TUSC3: variants seen among roughly 807,000 people sequenced by gnomAD.
TUSC3 encodes the protein dolichyl-diphosphooligosaccharide--protein glycosyltransferase subunit TUSC3.
TUSC3 carries 45 observed loss-of-function variants against 44.8 expected under a neutral mutation model. That is an observed-to-expected ratio of 1.00 (90% CI 0.79 to 1.29). The LOEUF (loss-of-function observed/expected upper bound fraction) is 1.29, where lower values mean the gene tolerates loss of function less well. Ranked by LOEUF, TUSC3 falls within the 50% of genes most tolerant of loss-of-function variation. The probability of loss-of-function intolerance (pLI) is 0.00; values close to 1 mark genes in which losing one functional copy is unlikely to be tolerated. For synonymous variants in TUSC3, 212 were observed against 152.9 expected, an observed-to-expected ratio of 1.39 and a Z score of -2.85; for missense variants, 519 against 437.9, an observed-to-expected ratio of 1.19 and a Z score of -1.65.
chr8:15,670,751 G>T (rs933061055), intron 5 of TUSC3, among the ~76,000 whole-genome samples: 9 of 151,644 alleles, frequency 5.9e-5, no homozygotes, highest in Non-Finnish European at 1.0e-4. Flanking sequence ...TGAAAAGAAA[G>T]ACAAGCCTCA....
At chr8:15,650,645 G>C in intron 2 of TUSC3, 52 bp from the exon 3 acceptor site, 4 of 1,505,046 alleles carry the variant, frequency 2.7e-6, no homozygotes, top group Non-Finnish European at 3.7e-6. Context: ...TAACTGCTTT[G>C]TAGATGCTTC....
chr8:15,454,764 G>T (rs188294872), intron 1 of TUSC3, among the ~76,000 whole-genome samples: 1 of 152,144 alleles, frequency 6.6e-6, no homozygotes, highest in Admixed American at 6.5e-5. Flanking sequence ...AGTAGGTAAA[G>T]TGTGGAAGCT....
intron 1 of TUSC3, among the ~76,000 whole-genome samples, chr8:15,566,047 C>G (rs182359273): frequency 1.3e-5 from 2 of 152,220 alleles, no homozygotes; most frequent in South Asian, 2.1e-4. Flanking sequence ...CAGAGTAGTA[C>G]ATTTTCCTTG....
At chr8:15,496,747 G>T (rs1406320727) in intron 2 of TUSC3, among the ~76,000 whole-genome samples, 1 of 152,120 alleles carries the variant, frequency 6.6e-6, no homozygotes, top group African/African-American at 2.4e-5. Flanking sequence ...TTAACAGGGA[G>T]AGCTGGGTCG....
At chr8:15,628,439 T>G (rs1411211639) in intron 2 of TUSC3, among the ~76,000 whole-genome samples, 1 of 152,202 alleles carries the variant, frequency 6.6e-6, no homozygotes, top group East Asian at 1.9e-4. Flanking sequence ...TATTTGCTTT[T>G]TATTTGTTCA....
At chr8:15,465,436 A>G (rs1563258372) in intron 1 of TUSC3, among the ~76,000 whole-genome samples, 1 of 152,140 alleles carries the variant, frequency 6.6e-6, no homozygotes, top group Non-Finnish European at 1.5e-5. Flanking sequence ...CCACAATCTC[A>G]TGAAGAAATT....
At chr8:15,551,104 A>AG (rs1184847189) in intron 1 of TUSC3, among the ~76,000 whole-genome samples, 1 of 151,784 alleles carries the variant, frequency 6.6e-6, no homozygotes, top group African/African-American at 2.4e-5. Flanking sequence ...GTAAAATGAG[A>AG]GGGTTGAACA....
intron 6 of TUSC3, among the ~76,000 whole-genome samples, chr8:15,712,479 C>A (rs1043561127): frequency 6.6e-6 from 1 of 151,996 alleles, no homozygotes; most frequent in Non-Finnish European, 1.5e-5. Flanking sequence ...TTCTCTTATT[C>A]CTGCTTATTT....
the TUSC3 span, among the ~76,000 whole-genome samples, chr8:15,844,803 C>T: frequency 5.9e-5 from 9 of 152,104 alleles, no homozygotes; most frequent in South Asian, 2.1e-4. Flanking sequence ...ATACTGCCTC[C>T]GATATTTTAA....
intron 2 of TUSC3, among the ~76,000 whole-genome samples, chr8:15,498,459 TAC>T (rs1036808232): frequency 2.6e-5 from 4 of 152,160 alleles, no homozygotes; most frequent in African/African-American, 4.8e-5. Context: ...ACCGGAAAAC[TAC>T]AGTTTAAGAG....
chr8:15,429,900 G>C (rs868541540), intron 1 of TUSC3, among the ~76,000 whole-genome samples: 1 of 151,634 alleles, frequency 6.6e-6, no homozygotes, highest in Middle Eastern at 3.4e-3. Context: ...ATAAATTCCT[G>C]GACACATACA....
At chr8:15,831,493 A>G in the TUSC3 span, among the ~76,000 whole-genome samples, 1 of 152,172 alleles carries the variant, frequency 6.6e-6, no homozygotes, top group Admixed American at 6.5e-5. Flanking sequence ...TATGGATAGA[A>G]AAAAAGATCG....
the TUSC3 span, among the ~76,000 whole-genome samples, chr8:15,825,724 A>T: frequency 6.6e-6 from 1 of 152,132 alleles, no homozygotes; most frequent in African/African-American, 2.4e-5. Flanking sequence ...AAATATATGC[A>T]CATTGAGATT....
At chr8:15,782,001 G>A in the TUSC3 span, among the ~76,000 whole-genome samples, 8 of 152,178 alleles carry the variant, frequency 5.3e-5, no homozygotes, top group Non-Finnish European at 8.8e-5. Flanking sequence ...GGATGTGGTG[G>A]CAGGTGCCTA....
chr8:15,844,473 G>C, the TUSC3 span, among the ~76,000 whole-genome samples: 1 of 152,048 alleles, frequency 6.6e-6, no homozygotes. Context: ...CACAAACGGA[G>C]AACAAAAGAG....
intron 1 of TUSC3, among the ~76,000 whole-genome samples, chr8:15,554,492 T>C (rs1802168750): frequency 1.3e-5 from 2 of 151,640 alleles, no homozygotes; most frequent in Non-Finnish European, 2.9e-5. Flanking sequence ...TGAAGAAATG[T>C]ACTTTTATTT....
At chr8:15,458,886 T>C (rs1800301083) in intron 1 of TUSC3, among the ~76,000 whole-genome samples, 1 of 152,210 alleles carries the variant, frequency 6.6e-6, no homozygotes. Flanking sequence ...AGTATTAATA[T>C]GTAAGCTCCT....
chr8:15,554,600 A>ATT (rs376264004), intron 1 of TUSC3, among the ~76,000 whole-genome samples: 17,621 of 111,602 alleles, frequency 0.16, 2,328 homozygotes, highest in South Asian at 0.2. Context: ...TTTTACTATA[A>ATT]TTTTTTTTTT....
At chr8:15,655,259 T>C (rs1204358108) in intron 3 of TUSC3, among the ~76,000 whole-genome samples, 1 of 152,198 alleles carries the variant, frequency 6.6e-6, no homozygotes, top group Non-Finnish European at 1.5e-5. Context: ...ATCTTAGGAC[T>C]TAAGTGAGTA....
Sources: allele counts gnomAD v4.1 joint callset (sites outside exome capture counted in the v4.1 genomes callset), GRCh38; gene constraint gnomAD v4.1.1; transcripts MANE v1.5; gene names NCBI Gene and HGNC (gene_info 2026-07-23, HGNC 2026-07-21).